The following PCDHGA6 variants were observed in gnomAD, a reference collection of about 807,000 sequenced individuals.
The protein encoded by PCDHGA6 is protocadherin gamma-A6.
In PCDHGA6, 41 loss-of-function variants were observed where a neutral mutation model predicts 60.6. The observed-to-expected ratio is 0.68, with a 90% CI of 0.53 to 0.88. The LOEUF (loss-of-function observed/expected upper bound fraction) is 0.88, where lower values mean the gene tolerates loss of function less well. Among genes scored for constraint, PCDHGA6 ranks in the 40% least tolerant of loss-of-function variants. The pLI is 0.00. For synonymous variants in PCDHGA6, 594 were observed against 524.4 expected (o/e 1.13, Z -1.81); for missense variants, 1,312 against 1,203.0 (o/e 1.09, Z -1.34).
chr5:141,426,754 T>C, intron 1 of PCDHGA6: 1 of 456,314 alleles, frequency 2.2e-6, no homozygotes, highest in Non-Finnish European at 4.4e-6. Context: ...GAATCTGCTA[T>C]AGATGCAGAT....
In PCDHGA6 at chr5:141,417,067, A is replaced by G. The variant is rs1008801110; in HGVS notation, c.2424+40560A>G. The stretch of plus-strand genomic sequence containing the variant: ...AAAAACTGCTCTTGACATTGTAGCT[A>G]TTGTGAGAAAATATTTTGATTATAA... On this transcript the variant is annotated intron_variant, in intron 1 of 3. Coordinates refer to ENST00000517434, the MANE Select transcript of PCDHGA6 (RefSeq NM_018919.3). 2.0e-5 allele frequency: 3 copies of G among 152,102 alleles called. No homozygotes were observed. The South Asian group carries it at 6.2e-4, about 31-fold the overall frequency. 9.4% of individuals were successfully genotyped at this position (152,102 alleles called of 1,614,324 possible).
At chr5:141,389,254 T>C (rs1589085552) in intron 1 of PCDHGA6, 1 of 1,614,012 alleles carries the variant, frequency 6.2e-7, no homozygotes. Flanking sequence ...TCCTATATAG[T>C]CCACGTGGCC....
At chr5:141,421,267 C>A in intron 1 of PCDHGA6, 1 of 1,611,374 alleles carries the variant, frequency 6.2e-7, no homozygotes, top group South Asian at 1.1e-5. Flanking sequence ...CAGTCGGCTG[C>A]TGCTGCTGCT....
At chr5:141,413,195 G>A (rs771456948) in intron 1 of PCDHGA6, 2 of 1,610,846 alleles carry the variant, frequency 1.2e-6, no homozygotes, top group Admixed American at 1.7e-5. Context: ...CAAAGGAATC[G>A]CTCAAAGGAA....
At chr5:141,433,604 G>A (rs2097631609) in intron 1 of PCDHGA6, among the ~76,000 whole-genome samples, 1 of 152,138 alleles carries the variant, frequency 6.6e-6, no homozygotes, top group Non-Finnish European at 1.5e-5. Flanking sequence ...GGGAGGCCGA[G>A]GCGGGTGGAT....
chr5:141,399,850 C>T (rs768366007), intron 1 of PCDHGA6: 1 of 1,612,946 alleles, frequency 6.2e-7, no homozygotes, highest in Non-Finnish European at 8.5e-7. Flanking sequence ...CGATATGGTG[C>T]CGCGCGCTGC....
chr5:141,418,151 G>A (rs1276817622), intron 1 of PCDHGA6: 4 of 1,613,990 alleles, frequency 2.5e-6, no homozygotes, highest in East Asian at 4.5e-5. Context: ...AATATGCAAA[G>A]AGAGAAGAAG....
At position 141,375,138 on chromosome 5, in the gene PCDHGA6, G is replaced by A. The variant is rs778788428; in HGVS notation, c.1055G>A (p.Gly352Glu). 1.2e-6 allele frequency: 2 copies of A among 1,613,922 alleles called. No homozygotes were observed. The change falls in exon 1 of 4, where the codon GGA becomes GAA. Residue 352 changes from glycine (G) to glutamate (E), a missense_variant. Coordinates refer to ENST00000517434, the MANE Select transcript of PCDHGA6 (RefSeq NM_018919.3). Reference protein sequence around the residue: ...DNVPEVVVTSGSRTIAESAPP... With the variant: ...DNVPEVVVTSESRTIAESAPP... ...GTACCAGAAGTGGTTGTTACATCTG[G>A]AAGCAGAACAATTGCTGAAAGTGCA... is the stretch of plus-strand genomic sequence containing the variant.
At chr5:141,408,894 C>A (rs778126197) in intron 1 of PCDHGA6, 1 of 1,613,304 alleles carries the variant, frequency 6.2e-7, no homozygotes, top group East Asian at 2.2e-5. Flanking sequence ...ATAGAAATTT[C>A]TGTCAAGGAT....
intron 1 of PCDHGA6, among the ~76,000 whole-genome samples, chr5:141,494,113 C>G (rs2099751999): frequency 6.6e-6 from 1 of 152,214 alleles, no homozygotes; most frequent in Non-Finnish European, 1.5e-5. Flanking sequence ...TCAGACAGAG[C>G]AGCCTTGTTC....
intron 1 of PCDHGA6, chr5:141,394,949 G>A (rs761514870): frequency 1.9e-6 from 3 of 1,613,906 alleles, no homozygotes; most frequent in Non-Finnish European, 1.7e-6. Flanking sequence ...CTGTGCTTCT[G>A]GGGCTCAGGC....
At chr5:141,460,134 T>TCAAAGA in intron 1 of PCDHGA6, among the ~76,000 whole-genome samples, 1 of 152,066 alleles carries the variant, frequency 6.6e-6, no homozygotes, top group South Asian at 2.1e-4. Flanking sequence ...AATATATATA[T>TCAAAGA]TCTTGATGTG....
chr5:141,404,965 C>A, intron 1 of PCDHGA6: 1 of 1,614,030 alleles, frequency 6.2e-7, no homozygotes, highest in Non-Finnish European at 8.5e-7. Context: ...TCCCAGACAT[C>A]CTGGCTGACC....
intron 1 of PCDHGA6, among the ~76,000 whole-genome samples, chr5:141,458,883 C>A (rs1171747288): frequency 6.6e-6 from 1 of 152,136 alleles, no homozygotes; most frequent in East Asian, 1.9e-4. Flanking sequence ...CAGGCATGCA[C>A]ACCATGCGCA....
rs1169979924 is a variant in PCDHGA6 at position 141,374,111 on chromosome 5, C to G, written c.28C>G (p.Arg10Gly). The G allele has an allele frequency of 1.9e-6, 3 of 1,576,926 alleles. No individual in the cohort carries two copies. The highest frequency in any genetic ancestry group is 1.4e-5 in the African/African-American group (1 of 73,918). MAPPQRHPQRSEQVLLLTLL... is the reference protein window; with the variant it reads MAPPQRHPQGSEQVLLLTLL... ...GGCGCCTCCGCAGAGGCATCCGCAG[C>G]GCAGCGAGCAGGTCCTGCTCCTCAC... Residue 10 changes from arginine to glycine, a missense_variant, in exon 1 of 4, where the codon CGC (arginine) becomes GGC (glycine). Coordinates refer to ENST00000517434, the MANE Select transcript of PCDHGA6 (RefSeq NM_018919.3).
chr5:141,382,342 T>A (rs1481008486), intron 1 of PCDHGA6, among the ~76,000 whole-genome samples: 1 of 152,250 alleles, frequency 6.6e-6, no homozygotes, highest in East Asian at 1.9e-4. Context: ...GTAAAATCTT[T>A]CATATGTATT....
intron 1 of PCDHGA6, chr5:141,427,797 G>A (rs1194658203): frequency 6.0e-6 from 9 of 1,505,188 alleles, no homozygotes; most frequent in Admixed American, 3.4e-5. Context: ...CTACGTGTCC[G>A]TGAGCGCACA....
rs368153419 is a variant in PCDHGA6 at position 141,476,458 on chromosome 5, C to T, written c.2425-18349C>T. 1 of 1,614,044 alleles carries T rather than the reference C, an allele frequency of 6.2e-7. No homozygotes were observed. Among genetic ancestry groups the T allele is most frequent in the Non-Finnish European group, 8.5e-7 (1 of 1,180,014 alleles). On this transcript the variant is annotated intron_variant, in intron 1 of 3. Coordinates refer to ENST00000517434, the MANE Select transcript of PCDHGA6 (RefSeq NM_018919.3). The surrounding 1 kb of genome is among the most constrained non-coding windows in gnomAD (Gnocchi z 7.6). ...TAACTCTGGAGTTGGTAGTGGAGAA[C>T]CCGCTGGAGCTGTTCAGCGTGGAAG...
At chr5:141,395,138 C>A (rs147992300) in intron 1 of PCDHGA6, 1 of 1,614,204 alleles carries the variant, frequency 6.2e-7, no homozygotes, top group African/African-American at 1.3e-5. Flanking sequence ...AGCCCAACTA[C>A]GCAGACATGC....
Sources: allele counts gnomAD v4.1 joint callset (sites outside exome capture counted in the v4.1 genomes callset), GRCh38; gene constraint gnomAD v4.1.1; non-coding constraint Gnocchi (gnomAD v3.1); transcripts MANE v1.5; gene names NCBI Gene and HGNC (gene_info 2026-07-23, HGNC 2026-07-21).